The following TTC3 variants were observed in gnomAD, a reference collection of about 807,000 sequenced individuals.
TTC3 encodes the protein E3 ubiquitin-protein ligase TTC3.
A neutral mutation model predicts 249.6 loss-of-function variants in TTC3; 180 were observed. That is an observed-to-expected ratio of 0.72 (90% CI 0.64 to 0.82). The LOEUF (loss-of-function observed/expected upper bound fraction) is 0.82. Ranked by LOEUF, TTC3 falls within the 40% of genes least tolerant of loss-of-function variation. The pLI, the probability that TTC3 is intolerant of heterozygous loss-of-function variation, is 0.00. For missense variants in TTC3, 2,061 were observed against 2,398.4 expected (o/e 0.86, Z 2.94); for synonymous variants, 717 against 805.0 (o/e 0.89, Z 1.85).
At chr21:37,164,761 G>C (rs1170972148) in intron 32 of TTC3, among the ~76,000 whole-genome samples, 2 of 152,214 alleles carry the variant, frequency 1.3e-5, no homozygotes, top group African/African-American at 2.4e-5. Context: ...ATCTCAGATA[G>C]CTTACCATTT....
At chr21:37,113,276 A>G (rs1165386871) in intron 11 of TTC3, among the ~76,000 whole-genome samples, 2 of 152,218 alleles carry the variant, frequency 1.3e-5, no homozygotes, top group Non-Finnish European at 2.9e-5. Context: ...ACATGATTGT[A>G]TATCTAGAAA....
chr21:37,145,586 C>T (rs971642818), intron 21 of TTC3, among the ~76,000 whole-genome samples: 5 of 152,196 alleles, frequency 3.3e-5, no homozygotes, highest in African/African-American at 9.7e-5. Context: ...AACAGTTAAA[C>T]ATAGAGTTAC....
chr21:37,175,263 CA>C (rs58424565), intron 35 of TTC3, among the ~76,000 whole-genome samples: 4,088 of 54,126 alleles, frequency 0.076, 56 homozygotes, highest in East Asian at 0.27. Context: ...GACTGTGTCT[CA>C]AAAAAAAAAA....
intron 45 of TTC3, among the ~76,000 whole-genome samples, chr21:37,200,534 T>TGGGG (rs2085388918): frequency 6.6e-6 from 1 of 152,144 alleles, no homozygotes; most frequent in South Asian, 2.1e-4. Flanking sequence ...TTCCATCCCT[T>TGGGG]GTGGGGAGAG....
intron 27 of TTC3, among the ~76,000 whole-genome samples, chr21:37,156,039 T>A (rs1220045007): frequency 9.5e-6 from 1 of 105,600 alleles, no homozygotes; most frequent in Non-Finnish European, 1.9e-5. Flanking sequence ...ATTGTTTGGG[T>A]TTGTTTTTTT....
intron 32 of TTC3, among the ~76,000 whole-genome samples, chr21:37,165,320 T>C (rs1312063853): frequency 6.6e-6 from 1 of 152,188 alleles, no homozygotes; most frequent in Non-Finnish European, 1.5e-5. Context: ...TGCTTTCCCC[T>C]GCTCCCAGAA....
chr21:37,081,542 G>T (rs935232090), intron 1 of TTC3: 1 of 152,174 alleles, frequency 6.6e-6, no homozygotes, highest in Non-Finnish European at 1.5e-5. Context: ...TTGGATGCAT[G>T]TGTTTCATGA....
intron 26 of TTC3, 82 bp downstream of exon 26, chr21:37,152,111 T>G: frequency 1.5e-6 from 2 of 1,338,686 alleles, no homozygotes; most frequent in African/African-American, 1.5e-5. Context: ...GGCCTTATAT[T>G]CATCATTATT....
At chr21:37,117,483 A>AAATG (rs1321175093) in intron 11 of TTC3, among the ~76,000 whole-genome samples, 1 of 152,194 alleles carries the variant, frequency 6.6e-6, no homozygotes, top group African/African-American at 2.4e-5. Context: ...AATATTTGTA[A>AAATG]AATGAATGAA....
At position 37,148,707 on chromosome 21, in the gene TTC3, C is replaced by G; in HGVS notation, c.2118+60C>G. ...ATACTTATTGTATGTCAATTTTTCC[C>G]CCAAGAATTCCTTCCTGAACATTCT... On this transcript the variant is annotated intron_variant, in intron 23 of 45. Coordinates refer to ENST00000355666, the Ensembl canonical transcript of TTC3. 4.6e-6 allele frequency: 5 copies of G among 1,096,206 alleles called. No homozygotes were observed. The South Asian group carries it at 9.0e-5, about 20-fold the overall frequency. The allele number at this position is 1,096,206 out of a possible 1,614,324, so 67.9% of individuals were successfully genotyped here.
At chr21:37,112,564 A>G (rs1156378687) in intron 11 of TTC3, among the ~76,000 whole-genome samples, 1 of 152,206 alleles carries the variant, frequency 6.6e-6, no homozygotes, top group Non-Finnish European at 1.5e-5. Flanking sequence ...TTACCAATCA[A>G]AAAAAGTCCG....
chr21:37,190,755 T>A (rs111578886), intron 39 of TTC3, among the ~76,000 whole-genome samples: 10 of 152,202 alleles, frequency 6.6e-5, no homozygotes, highest in African/African-American at 2.4e-4. Flanking sequence ...GAATGCTCTG[T>A]TTTTTCTTCA....
At chr21:37,144,228 A>T (rs559426786) in intron 20 of TTC3, among the ~76,000 whole-genome samples, 24 of 151,874 alleles carry the variant, frequency 1.6e-4, no homozygotes, top group Non-Finnish European at 2.5e-4. Context: ...TGTACCCTAG[A>T]ACTTAAAGTA....
intron 12 of TTC3, among the ~76,000 whole-genome samples, chr21:37,122,551 C>T (rs1238542124): frequency 1.3e-5 from 2 of 151,140 alleles, no homozygotes; most frequent in African/African-American, 4.9e-5. Context: ...TTTGCTTTCT[C>T]CAATGCCTGA....
intron 1 of TTC3, among the ~76,000 whole-genome samples, chr21:37,078,858 A>G (rs1320046297): frequency 6.6e-6 from 1 of 152,200 alleles, no homozygotes; most frequent in African/African-American, 2.4e-5. Context: ...AGGGTTGTTC[A>G]TTAGAAGCGA....
At chr21:37,133,287 T>C (rs797019872) in intron 17 of TTC3, among the ~76,000 whole-genome samples, 1 of 152,218 alleles carries the variant, frequency 6.6e-6, no homozygotes, top group South Asian at 2.1e-4. Flanking sequence ...TTTACGTTAC[T>C]TCATGATGGA....
chr21:37,198,850 AT>A (rs5843816), intron 44 of TTC3, among the ~76,000 whole-genome samples: 80,390 of 149,684 alleles, frequency 0.54, 21,943 homozygotes, highest in African/African-American at 0.65. Flanking sequence ...GTTGTTTTCC[AT>A]TTTTTTTTTT....
intron 10 of TTC3, chr21:37,098,079 A>G (rs2074121868): frequency 1.7e-6 from 1 of 590,740 alleles, no homozygotes; most frequent in African/African-American, 1.9e-5. Context: ...GACTAGAGGA[A>G]TGGATGGGCT....
intron 1 of TTC3, 22 bp from the exon 2 acceptor site, chr21:37,087,223 CTT>C (rs2072610912): frequency 3.1e-6 from 5 of 1,606,216 alleles, no homozygotes; most frequent in Non-Finnish European, 3.4e-6. Flanking sequence ...TAATTACTGA[CTT>C]GAGTTTGTGT....
Sources: allele counts gnomAD v4.1 joint callset (sites outside exome capture counted in the v4.1 genomes callset), GRCh38; gene constraint gnomAD v4.1.1; transcripts MANE v1.5; gene names NCBI Gene and HGNC (gene_info 2026-07-23, HGNC 2026-07-21).